The following ABCC9 variants were observed in gnomAD, a reference collection of about 807,000 sequenced individuals.
ABCC9 encodes ATP-binding cassette sub-family C member 9.
In ABCC9, 95 loss-of-function variants were observed where a neutral mutation model predicts 188.3. The ratio of observed to expected loss-of-function variants is 0.50; its 90% CI spans 0.43 to 0.60. The LOEUF (loss-of-function observed/expected upper bound fraction) is 0.60, where lower values mean the gene tolerates loss of function less well. Ranked by LOEUF, ABCC9 falls within the 20% of genes least tolerant of loss-of-function variation. The probability of loss-of-function intolerance (pLI) is 0.00; values close to 1 mark genes in which losing one functional copy is unlikely to be tolerated. For missense variants in ABCC9, 1,102 were observed against 1,876.3 expected, an observed-to-expected ratio of 0.59 and a Z score of 7.62; for synonymous variants, 659 against 652.7, an observed-to-expected ratio of 1.01 and a Z score of -0.15.
intron 18 of ABCC9, among the ~76,000 whole-genome samples, chr12:21,869,934 G>A (rs1224304225): frequency 6.6e-6 from 1 of 152,078 alleles, no homozygotes; most frequent in Non-Finnish European, 1.5e-5. Flanking sequence ...ATGGAAGATG[G>A]TCCAACTGAT....
chr12:21,925,381 C>A, intron 5 of ABCC9: 1 of 586,176 alleles, frequency 1.7e-6, no homozygotes, highest in South Asian at 2.2e-5. Context: ...AATGCAGGTG[C>A]GAAAGGCCGT....
At chr12:21,893,135 A>C (rs918075522) in intron 14 of ABCC9, among the ~76,000 whole-genome samples, 2 of 152,102 alleles carry the variant, frequency 1.3e-5, no homozygotes, top group South Asian at 4.1e-4. Context: ...TCGTATAGGC[A>C]GTGTATCATC....
intron 17 of ABCC9, 131 bp from the exon 18 acceptor site, chr12:21,872,861 C>A: frequency 2.8e-6 from 2 of 702,202 alleles, no homozygotes; most frequent in Admixed American, 2.1e-5. Context: ...GTAAGGTATT[C>A]TAAACAGCTC....
chr12:21,919,989 C>G (rs1056942005), intron 5 of ABCC9, among the ~76,000 whole-genome samples: 7 of 151,982 alleles, frequency 4.6e-5, no homozygotes, highest in Admixed American at 3.3e-4. Flanking sequence ...AACAGAAATA[C>G]AATTTTCCTA....
At chr12:21,897,123 G>A (rs566767829) in intron 12 of ABCC9, among the ~76,000 whole-genome samples, 2 of 152,288 alleles carry the variant, frequency 1.3e-5, no homozygotes, top group Admixed American at 6.5e-5. Flanking sequence ...TCTGACTGGC[G>A]TGAGATGGTG....
Position 21,872,652 on chromosome 12 carries a change from G to A in ABCC9, c.2171C>T (p.Thr724Ile), listed in dbSNP as rs773355490. ...LLLAILGEMQ[T>I]LEGKVHWSNV... is the part of the protein sequence containing the mutation. Reference sequence around the variant, plus strand: ...GCTCCAGTGAACTTTTCCTTCCAATGTCTGCATCTCACCGAGGATGGCAAG... The same window carrying A: ...GCTCCAGTGAACTTTTCCTTCCAATATCTGCATCTCACCGAGGATGGCAAG... The change falls in exon 18 of 40, where the codon ACA (threonine) becomes ATA (isoleucine). Residue 724 changes from threonine (T) to isoleucine (I), a missense_variant. Physicochemically the swap from Thr to Ile is moderately conservative, Grantham distance 89. Transcript: ENST00000261200. The A allele has an allele frequency of 5.6e-6, 9 of 1,613,646 alleles. No individual in the cohort carries two copies.
intron 5 of ABCC9, among the ~76,000 whole-genome samples, chr12:21,920,110 T>G (rs949197429): frequency 2.0e-5 from 3 of 152,058 alleles, no homozygotes. Flanking sequence ...AAAGGTCTGC[T>G]ATGAAAAACC....
rs553622369 is a variant in ABCC9 at position 21,808,207 on chromosome 12, T to C, written c.4316-728A>G. On this transcript the variant is annotated intron_variant, in intron 37 of 39. Coordinates refer to ENST00000261200, the MANE Select transcript of ABCC9 (RefSeq NM_020297.4). ...ATATTCTAATGGTATCAAAGTCTTA[T>C]AATTTGTCATGATGGGAAAATAGGT... Among the ~76,000 whole-genome samples, 154 of 152,266 alleles carry C rather than the reference T, an allele frequency of 1.0e-3. 1 individual carries two copies. Among genetic ancestry groups the C allele is most frequent in the African/African-American group, 3.6e-3 (149 of 41,568 alleles).
chr12:21,834,591 G>A (rs1200639888), intron 30 of ABCC9, among the ~76,000 whole-genome samples: 6 of 151,926 alleles, frequency 3.9e-5, no homozygotes, highest in East Asian at 1.9e-4. Context: ...CTAGGGAGGC[G>A]AAGTGCTTGG....
At chr12:21,933,696 G>A in intron 4 of ABCC9, 86 bp downstream of exon 4, 2 of 1,498,528 alleles carry the variant, frequency 1.3e-6, no homozygotes, top group South Asian at 2.3e-5. Flanking sequence ...GCACATTTAT[G>A]GGCACAAGTT....
intron 31 of ABCC9, among the ~76,000 whole-genome samples, chr12:21,826,327 A>T (rs183765584): frequency 6.6e-6 from 1 of 152,224 alleles, no homozygotes; most frequent in Non-Finnish European, 1.5e-5. Context: ...TGTAGAGAAC[A>T]GTTCACACCC....
At chr12:21,889,864 T>C (rs1243577329) in intron 14 of ABCC9, among the ~76,000 whole-genome samples, 1 of 152,114 alleles carries the variant, frequency 6.6e-6, no homozygotes, top group East Asian at 1.9e-4. Flanking sequence ...TACTAACCTA[T>C]CTGTGAACCT....
chr12:21,916,034 C>T (rs2137922657), intron 6 of ABCC9, 124 bp from the exon 7 acceptor site: 1 of 870,834 alleles, frequency 1.1e-6, no homozygotes, highest in South Asian at 1.7e-5. Context: ...TTAATGCCTC[C>T]TTCCATCCCT....
At chr12:21,852,867 T>G (rs767773950) in intron 22 of ABCC9, among the ~76,000 whole-genome samples, 2 of 152,124 alleles carry the variant, frequency 1.3e-5, no homozygotes, top group Non-Finnish European at 2.9e-5. Context: ...TAAAATTATT[T>G]TAAAAGTAAA....
At chr12:21,864,581 G>C in intron 18 of ABCC9, 104 bp from the exon 19 acceptor site, 4 of 803,122 alleles carry the variant, frequency 5.0e-6, no homozygotes, top group Middle Eastern at 2.9e-4. Flanking sequence ...ACATATTAAA[G>C]AGCACATTTC....
chr12:21,918,616 G>A (rs1157341550), intron 5 of ABCC9, among the ~76,000 whole-genome samples: 1 of 152,110 alleles, frequency 6.6e-6, no homozygotes, highest in Admixed American at 6.6e-5. Flanking sequence ...ATTAACTCAT[G>A]GTTTCTAGGA....
intron 25 of ABCC9, 82 bp downstream of exon 25, chr12:21,848,068 C>T: frequency 8.1e-7 from 1 of 1,242,150 alleles, no homozygotes; most frequent in Non-Finnish European, 1.2e-6. Flanking sequence ...CTTATTATTC[C>T]TCATGGAGAC....
chr12:21,882,167 G>C (rs1946657766), intron 16 of ABCC9, among the ~76,000 whole-genome samples: 1 of 152,098 alleles, frequency 6.6e-6, no homozygotes, highest in Admixed American at 6.5e-5. Context: ...AAGTTTCCAG[G>C]ACTCTGGCAG....
chr12:21,860,267 C>T (rs541648406), intron 21 of ABCC9, among the ~76,000 whole-genome samples: 5 of 152,112 alleles, frequency 3.3e-5, no homozygotes, highest in Admixed American at 6.6e-5. Flanking sequence ...ATACACACTG[C>T]GGTATGTAGC....
Sources: allele counts gnomAD v4.1 joint callset (sites outside exome capture counted in the v4.1 genomes callset), GRCh38; gene constraint gnomAD v4.1.1; transcripts MANE v1.5; gene names NCBI Gene and HGNC (gene_info 2026-07-23, HGNC 2026-07-21).